ACSM5: variants seen among roughly 807,000 people sequenced by gnomAD.
The protein encoded by ACSM5 is acyl-CoA synthetase medium chain family member 5.
ACSM5 carries 56 observed loss-of-function variants against 71.6 expected under a neutral mutation model. The ratio of observed to expected loss-of-function variants is 0.78; its 90% CI spans 0.63 to 0.98. The LOEUF (loss-of-function observed/expected upper bound fraction) is 0.98, where lower values mean the gene tolerates loss of function less well. Ranked by LOEUF, ACSM5 falls within the 50% of genes least tolerant of loss-of-function variation. ACSM5 has a pLI of 0.00. For missense variants in ACSM5, 723 were observed against 726.0 expected, an observed-to-expected ratio of 1.00 and a Z score of 0.05; for synonymous variants, 285 against 281.5, an observed-to-expected ratio of 1.01 and a Z score of -0.12.
rs753579397 is a variant in ACSM5 at position 20,418,111 on chromosome 16, C to T, written c.257C>T (p.Ala86Val). The T allele has an allele frequency of 4.3e-6, 7 of 1,613,822 alleles. No individual in the cohort carries two copies. Among genetic ancestry groups the T allele is most frequent in the Non-Finnish European group, 5.1e-6 (6 of 1,179,958 alleles). ...PAFWWVNGTG[A>V]EIKWSFEELG... Reference sequence around the variant, plus strand: ...TTCTGGTGGGTCAATGGCACAGGAGCAGAGATCAAGTGGAGCTTTGAGGAG... The same window carrying T: ...TTCTGGTGGGTCAATGGCACAGGAGTAGAGATCAAGTGGAGCTTTGAGGAG... The change falls in exon 3 of 14, where the codon GCA becomes GTA. Residue 86 changes from alanine to valine, a missense_variant. By Grantham distance (64) the Ala-to-Val change is moderately conservative. Coordinates refer to ENST00000331849, the MANE Select transcript of ACSM5 (RefSeq NM_017888.3).
chr16:20,413,306 G>T (rs903750018), intron 2 of ACSM5, among the ~76,000 whole-genome samples: 38 of 152,180 alleles, frequency 2.5e-4, no homozygotes, highest in African/African-American at 9.2e-4. Context: ...AAAAATAACA[G>T]CCCCCATTTC....
At chr16:20,426,331 T>C (rs1966979440) in intron 6 of ACSM5, among the ~76,000 whole-genome samples, 1 of 152,212 alleles carries the variant, frequency 6.6e-6, no homozygotes, top group East Asian at 1.9e-4. Flanking sequence ...TACCGAAACT[T>C]AGCACTTTAA....
intron 1 of ACSM5, among the ~76,000 whole-genome samples, chr16:20,411,116 T>C (rs2141636637): frequency 6.6e-6 from 1 of 152,358 alleles, no homozygotes; most frequent in South Asian, 2.1e-4. Flanking sequence ...CTATTTCTGT[T>C]GGACAGTGCT....
Position 20,419,347 on chromosome 16 carries a change from A to G in ACSM5, c.535A>G (p.Ile179Val), listed in dbSNP as rs751953070. 10 of 1,614,074 alleles carry G rather than the reference A, an allele frequency of 6.2e-6. No individual in the cohort carries two copies. Among genetic ancestry groups the G allele is most frequent in the South Asian group, 1.1e-5 (1 of 91,088 alleles). ...SDSLAPRVDA[I>V]SAECPSLQTK... ...CTCCCTAGCTCCAAGGGTGGATGCC[A>G]TCAGTGCCGAATGCCCCTCCCTCCA... Residue 179 changes from isoleucine to valine, a missense_variant, in exon 4 of 14, where the codon ATC (isoleucine) becomes GTC (valine). Transcript: ENST00000331849.
chr16:20,432,879 A>G (rs562335530), intron 10 of ACSM5, among the ~76,000 whole-genome samples: 1 of 42,078 alleles, frequency 2.4e-5, no homozygotes, highest in Admixed American at 2.8e-4. Context: ...TTTTTGTGAC[A>G]GTGTCTTCTC....
intron 2 of ACSM5, among the ~76,000 whole-genome samples, chr16:20,413,912 T>C (rs948765789): frequency 3.3e-5 from 5 of 152,200 alleles, no homozygotes; most frequent in Non-Finnish European, 5.9e-5. Flanking sequence ...ATAAGATGAC[T>C]ACTAAGCTAA....
chr16:20,425,365 T>C (rs1214814820), intron 6 of ACSM5, among the ~76,000 whole-genome samples: 1 of 152,216 alleles, frequency 6.6e-6, no homozygotes, highest in Non-Finnish European at 1.5e-5. Flanking sequence ...TATGTACATC[T>C]TCTTTTTCCA....
intron 6 of ACSM5, among the ~76,000 whole-genome samples, chr16:20,424,732 C>T (rs1278906616): frequency 6.6e-6 from 1 of 152,206 alleles, no homozygotes; most frequent in Non-Finnish European, 1.5e-5. Context: ...TGCTTAATCT[C>T]CTGAGCTGCA....
At chr16:20,436,006 TTTC>T (rs937869158) in intron 10 of ACSM5, among the ~76,000 whole-genome samples, 10 of 136,346 alleles carry the variant, frequency 7.3e-5, no homozygotes, top group Admixed American at 1.4e-4. Flanking sequence ...TTTCTCTTTC[TTTC>T]TTTTTTCTTC....
At chr16:20,422,696 G>A (rs1477357824) in intron 5 of ACSM5, among the ~76,000 whole-genome samples, 1 of 152,206 alleles carries the variant, frequency 6.6e-6, no homozygotes, top group Non-Finnish European at 1.5e-5. Flanking sequence ...CAATGTAACT[G>A]TAGGGGAAAC....
chr16:20,433,859 T>TTTTTTTA (rs1967146530), intron 10 of ACSM5, among the ~76,000 whole-genome samples: 1 of 133,028 alleles, frequency 7.5e-6, no homozygotes, highest in Admixed American at 7.3e-5. Flanking sequence ...TTTTTTTTTG[T>TTTTTTTA]AAAGATGGGG....
chr16:20,428,267 A>G (rs933801379), intron 7 of ACSM5, among the ~76,000 whole-genome samples: 2 of 152,156 alleles, frequency 1.3e-5, no homozygotes, highest in African/African-American at 4.8e-5. Flanking sequence ...ATTGTTAGCC[A>G]CCTGTGGAGT....
In ACSM5 at chr16:20,411,577, T is replaced by C. The variant is rs774508911; in HGVS notation, c.93T>C (p.Val31=). The C allele has an allele frequency of 6.2e-7, 1 of 1,614,142 alleles. No homozygotes were observed. The highest frequency in any genetic ancestry group is 1.7e-5 in the Admixed American group (1 of 60,024). ...ATGGGAAGCCAGCACCTCTACCTGT[T>C]CCTCAGAAGATCGTGGCCACCTGGG... The part of the protein sequence containing the change: ...GSHGKPAPLP[V]PQKIVATWEA... The change falls in exon 2 of 14, where the codon GTT becomes GTC. Residue 31 remains valine (V), a synonymous_variant. Transcript: ENST00000331849.
chr16:20,419,418 C>A lies in ACSM5; in HGVS notation c.606C>A (p.Asn202Lys). ...ACAGCAGTCGGCCAGGCTGGTTGAA[C>A]TTCAGGGAACTCCTCCGGTGAATTG... ...VSDSSRPGWL[N>K]FRELLREAST... Residue 202 changes from asparagine to lysine, a missense_variant, in exon 4 of 14, where the codon AAC (asparagine) becomes AAA (lysine). Asn to Lys is a moderately conservative substitution (Grantham distance 94). Coordinates refer to ENST00000331849, the MANE Select transcript of ACSM5 (RefSeq NM_017888.3). 3 of 1,614,174 alleles carry A rather than the reference C, an allele frequency of 1.9e-6. No individual in the cohort carries two copies. Among genetic ancestry groups the A allele is most frequent in the Non-Finnish European group, 2.5e-6 (3 of 1,180,012 alleles).
intron 4 of ACSM5, among the ~76,000 whole-genome samples, chr16:20,420,557 G>A (rs980743251): frequency 7.9e-5 from 12 of 152,100 alleles, no homozygotes; most frequent in African/African-American, 1.4e-4. Context: ...CCAAGATCCC[G>A]CCATTGCACT....
At chr16:20,419,104 T>C in intron 3 of ACSM5, 124 bp from the exon 4 acceptor site, 1 of 764,608 alleles carries the variant, frequency 1.3e-6, no homozygotes, top group East Asian at 2.7e-5. Flanking sequence ...TTATTATTAT[T>C]ATTGTTACGT....
intron 1 of ACSM5, among the ~76,000 whole-genome samples, chr16:20,409,962 C>T (rs1039835150): frequency 3.3e-5 from 5 of 150,962 alleles, no homozygotes; most frequent in African/African-American, 1.2e-4. Flanking sequence ...GTCTCTGAGG[C>T]TGCAGGCCTA....
chr16:20,414,546 A>G (rs1366141920), intron 2 of ACSM5, among the ~76,000 whole-genome samples: 3 of 152,258 alleles, frequency 2.0e-5, no homozygotes, highest in African/African-American at 7.2e-5. Flanking sequence ...TGAACTGTTT[A>G]TCTCCAGAAC....
At chr16:20,425,082 T>A (rs1966952118) in intron 6 of ACSM5, among the ~76,000 whole-genome samples, 1 of 152,100 alleles carries the variant, frequency 6.6e-6, no homozygotes, top group Non-Finnish European at 1.5e-5. Context: ...AAATAACAGG[T>A]CTTATTCATT....
Sources: allele counts gnomAD v4.1 joint callset (sites outside exome capture counted in the v4.1 genomes callset), GRCh38; gene constraint gnomAD v4.1.1; transcripts MANE v1.5; gene names NCBI Gene and HGNC (gene_info 2026-07-23, HGNC 2026-07-21).